ITGA11: variants seen among roughly 807,000 people sequenced by gnomAD.
ITGA11 encodes integrin subunit alpha 11, also known as integrin alpha-11.
ITGA11 carries 97 observed loss-of-function variants against 141.9 expected under a neutral mutation model. That is an observed-to-expected ratio of 0.68 (90% CI 0.58 to 0.81). The LOEUF (loss-of-function observed/expected upper bound fraction) is 0.81. ITGA11 is among the 30% of genes least tolerant of loss of function. ITGA11 has a pLI of 0.00. For synonymous variants in ITGA11, 658 were observed against 624.6 expected (o/e 1.05, Z -0.80); for missense variants, 1,387 against 1,559.2 (o/e 0.89, Z 1.86).
At chr15:68,370,024 G>A (rs1895538868) in intron 2 of ITGA11, among the ~76,000 whole-genome samples, 1 of 152,182 alleles carries the variant, frequency 6.6e-6, no homozygotes, top group African/African-American at 2.4e-5. Flanking sequence ...GGCAGAGTTA[G>A]GAGATGCTGC....
At chr15:68,366,142 G>C (rs957819662) in intron 3 of ITGA11, among the ~76,000 whole-genome samples, 1 of 152,142 alleles carries the variant, frequency 6.6e-6, no homozygotes, top group Non-Finnish European at 1.5e-5. Context: ...GACTGGGCTC[G>C]ATTTCTCTTT....
chr15:68,374,705 A>G (rs1218390852), intron 2 of ITGA11, among the ~76,000 whole-genome samples: 1 of 152,202 alleles, frequency 6.6e-6, no homozygotes, highest in Non-Finnish European at 1.5e-5. Flanking sequence ...AGGAAGAAGG[A>G]ACCTCCAAGG....
Position 68,416,744 on chromosome 15 carries a change from C to T in ITGA11, c.53-13715G>A, listed in dbSNP as rs140291411. 1.2e-3 allele frequency among the ~76,000 whole-genome samples: 185 copies of T among 152,048 alleles called. 1 individual carries two copies. The highest frequency in any genetic ancestry group is 4.4e-3 in the African/African-American group (181 of 41,486). ...CAGCCTGGGCAACATGGTGAAACCC[C>T]GTCTCTACTAAAATACAAAAAATTA... On this transcript the variant is annotated intron_variant, in intron 1 of 29. Transcript: ENST00000315757.
intron 22 of ITGA11, among the ~76,000 whole-genome samples, chr15:68,314,261 G>A (rs146742482): frequency 2.0e-4 from 31 of 152,310 alleles, no homozygotes; most frequent in African/African-American, 7.5e-4. Context: ...CTGTGCCCAC[G>A]GAGGAGGGAT....
intron 1 of ITGA11, among the ~76,000 whole-genome samples, chr15:68,417,275 G>C (rs1896910646): frequency 6.6e-6 from 1 of 152,178 alleles, no homozygotes; most frequent in Non-Finnish European, 1.5e-5. Flanking sequence ...CCCCATTGCA[G>C]GAAATGGCAT....
rs543719832 is a variant in ITGA11 at position 68,430,642 on chromosome 15, C to T, written c.52+1373G>A. On this transcript the variant is annotated intron_variant, in intron 1 of 29. Coordinates refer to ENST00000315757, the MANE Select transcript of ITGA11 (RefSeq NM_001004439.2). ...GAGGACAGTTCCTGGAGAAGATTCT[C>T]CCCTCCTGTCTAAACACACCTAAAT... Among the ~76,000 whole-genome samples, 4 of 152,326 alleles carry T rather than the reference C, an allele frequency of 2.6e-5. No individual in the cohort carries two copies. In the South Asian group the frequency reaches 8.3e-4, roughly 32 times the overall value.
intron 3 of ITGA11, among the ~76,000 whole-genome samples, chr15:68,367,547 C>A (rs914756013): frequency 6.6e-6 from 1 of 152,178 alleles, no homozygotes; most frequent in African/African-American, 2.4e-5. Flanking sequence ...ACTTCCATCA[C>A]CCCCTAGCCA....
intron 2 of ITGA11, among the ~76,000 whole-genome samples, chr15:68,375,481 T>G (rs959477358): frequency 6.6e-6 from 1 of 152,158 alleles, no homozygotes; most frequent in Non-Finnish European, 1.5e-5. Flanking sequence ...GCCTGCCCAG[T>G]GGGGACCCCG....
rs768466026 is a variant in ITGA11 at position 68,320,329 on chromosome 15, G to A, written c.2472C>T (p.Phe824=). ...TCTCTATGATGAAGACTGTGGTGTCGAAGGACAGCGTGTATGCGGAGCAGT... is the reference window on the plus strand; with the variant it reads ...TCTCTATGATGAAGACTGTGGTGTCAAAGGACAGCGTGTATGCGGAGCAGT... ...AQDCSAYTLS[F]DTTVFIIEST... is the part of the protein sequence containing the mutation. The change falls in exon 20 of 30, where the codon TTC becomes TTT. Residue 824 remains phenylalanine, a synonymous_variant. Coordinates refer to ENST00000315757, the MANE Select transcript of ITGA11 (RefSeq NM_001004439.2). The A allele has an allele frequency of 5.0e-6, 8 of 1,613,144 alleles. No homozygotes were observed. In the East Asian group the frequency reaches 6.7e-5, roughly 13 times the overall value.
intron 2 of ITGA11, among the ~76,000 whole-genome samples, chr15:68,381,182 A>G (rs1895852899): frequency 6.6e-6 from 1 of 152,202 alleles, no homozygotes; most frequent in South Asian, 2.1e-4. Context: ...AATAGGGATT[A>G]CCAGGCACCA....
At chr15:68,378,349 A>G (rs1895778853) in intron 2 of ITGA11, among the ~76,000 whole-genome samples, 1 of 152,206 alleles carries the variant, frequency 6.6e-6, no homozygotes, top group Non-Finnish European at 1.5e-5. Flanking sequence ...GGTGCTTTGA[A>G]CAATTTTTCT....
intron 7 of ITGA11, among the ~76,000 whole-genome samples, chr15:68,355,243 A>T: frequency 6.6e-6 from 1 of 152,204 alleles, no homozygotes; most frequent in Admixed American, 6.5e-5. Context: ...AAAAACAGAA[A>T]AATGGCCCAT....
Position 68,335,950 on chromosome 15 carries a change from G to T in ITGA11, c.1277-105C>A. 7.6e-7 allele frequency: 1 copy of T among 1,323,700 alleles called. No individual in the cohort carries two copies. The highest frequency in any genetic ancestry group is 1.0e-6 in the Non-Finnish European group (1 of 957,988). The allele number at this position is 1,323,700 out of a possible 1,614,324, so 82.0% of individuals were successfully genotyped here. The stretch of plus-strand genomic sequence containing the variant: ...TGCCAGAGGATGGGCCAGTGATGGG[G>T]TAGGTTCAGGGCTAGCTGAGCAGAT... On this transcript the variant is annotated intron_variant, in intron 11 of 29. Transcript: ENST00000315757. This position sits in a 1 kb window ranked among gnomAD's most constrained non-coding sequence, Gnocchi z 4.9.
intron 14 of ITGA11, among the ~76,000 whole-genome samples, chr15:68,331,413 A>G (rs1380769437): frequency 6.6e-6 from 1 of 152,124 alleles, no homozygotes; most frequent in Non-Finnish European, 1.5e-5. Flanking sequence ...AGGCTATTTT[A>G]CTGATAAACC....
intron 2 of ITGA11, among the ~76,000 whole-genome samples, chr15:68,398,351 C>T (rs1896374446): frequency 6.6e-6 from 1 of 151,612 alleles, no homozygotes; most frequent in African/African-American, 2.4e-5. Flanking sequence ...GGGTTGCAAT[C>T]CTAGTCTCTG....
Position 68,307,765 on chromosome 15 carries a change from G to T in ITGA11, c.3175-69C>A. ...GGAGCAGGGGGCAGCAACACTGCTTGAACGACTGGGGCTCTGCTCCTGGGG... is the reference window on the plus strand; with the variant it reads ...GGAGCAGGGGGCAGCAACACTGCTTTAACGACTGGGGCTCTGCTCCTGGGG... On this transcript the variant is annotated intron_variant, in intron 26 of 29. Coordinates refer to ENST00000315757, the MANE Select transcript of ITGA11 (RefSeq NM_001004439.2). The surrounding 1 kb of genome is among the most constrained non-coding windows in gnomAD (Gnocchi z 6.1). 1 of 1,038,388 alleles carries T rather than the reference G, an allele frequency of 9.6e-7. No individual in the cohort carries two copies. Among genetic ancestry groups the T allele is most frequent in the Non-Finnish European group, 1.5e-6 (1 of 677,084 alleles). The allele number at this position is 1,038,388 out of a possible 1,614,324, so 64.3% of individuals were successfully genotyped here.
intron 2 of ITGA11, among the ~76,000 whole-genome samples, chr15:68,399,728 T>C (rs1896419781): frequency 6.6e-6 from 1 of 152,042 alleles, no homozygotes; most frequent in African/African-American, 2.4e-5. Flanking sequence ...GTTCTCACTA[T>C]TATAAGTGGG....
rs1390484707 is a variant in ITGA11, at chr15:68,348,820, C to T, written c.1131+10G>A. ...AGGCTGGGCTCTGTGCCCGTACCTC[C>T]ACCACATACCTCCACCACGTGCGAG... On this transcript the variant is annotated intron_variant, in intron 10 of 29. Coordinates refer to ENST00000315757, the MANE Select transcript of ITGA11 (RefSeq NM_001004439.2). 1 of 1,604,652 alleles carries T rather than the reference C, an allele frequency of 6.2e-7. No individual in the cohort carries two copies. Among genetic ancestry groups the T allele is most frequent in the Non-Finnish European group, 8.5e-7 (1 of 1,175,574 alleles).
At chr15:68,383,220 G>A (rs942091602) in intron 2 of ITGA11, among the ~76,000 whole-genome samples, 9 of 151,176 alleles carry the variant, frequency 6.0e-5, no homozygotes, top group African/African-American at 1.7e-4. Context: ...ACAGTGAGCC[G>A]AGATCATGCC....
Sources: allele counts gnomAD v4.1 joint callset (sites outside exome capture counted in the v4.1 genomes callset), GRCh38; gene constraint gnomAD v4.1.1; non-coding constraint Gnocchi (gnomAD v3.1); transcripts MANE v1.5; gene names NCBI Gene and HGNC (gene_info 2026-07-23, HGNC 2026-07-21).